Variants in GPC5 observed in about 807,000 individuals in gnomAD.
GPC5 encodes glypican-5.
In GPC5, 47 loss-of-function variants were observed where a neutral mutation model predicts 53.9. The ratio of observed to expected loss-of-function variants is 0.87; its 90% CI spans 0.69 to 1.11. The LOEUF (loss-of-function observed/expected upper bound fraction) is 1.11, where lower values mean the gene tolerates loss of function less well. GPC5 is among the 50% of genes most tolerant of loss of function. The pLI, the probability that GPC5 is intolerant of heterozygous loss-of-function variation, is 0.00. For missense variants in GPC5, 748 were observed against 713.1 expected (o/e 1.05, Z -0.56); for synonymous variants, 286 against 263.3 (o/e 1.09, Z -0.84).
intron 7 of GPC5, among the ~76,000 whole-genome samples, chr13:92,861,849 C>T (rs993229881): frequency 2.0e-5 from 3 of 151,752 alleles, no homozygotes; most frequent in Non-Finnish European, 2.9e-5. Context: ...AGTTTTGGTC[C>T]CACAGACATT....
intron 7 of GPC5, among the ~76,000 whole-genome samples, chr13:92,618,687 T>TAA (rs5805756): frequency 2.0e-3 from 273 of 137,994 alleles, no homozygotes; most frequent in Middle Eastern, 0.012. Context: ...TAAAAAATGT[T>TAA]AAAAAAAAAA....
Position 92,149,404 on chromosome 13 carries a change from T to C in GPC5, c.1561+4415T>C, listed in dbSNP as rs79855679. 2.0e-3 allele frequency among the ~76,000 whole-genome samples: 301 copies of C among 152,236 alleles called. 2 individuals carry two copies. Among genetic ancestry groups the C allele is most frequent in the African/African-American group, 6.8e-3 (282 of 41,588 alleles). On this transcript the variant is annotated intron_variant, in intron 7 of 7. Transcript: ENST00000377067. The stretch of plus-strand genomic sequence containing the variant: ...CAGAAAGTATCTGACTTAAATATGA[T>C]TAATTTAGAAATAGTAGGATAATAC...
intron 7 of GPC5, among the ~76,000 whole-genome samples, chr13:92,366,650 C>A (rs567961436): frequency 6.7e-6 from 1 of 148,170 alleles, no homozygotes; most frequent in African/African-American, 2.7e-5. Flanking sequence ...GTGGCTAAGG[C>A]CACGAGCATT....
chr13:91,682,466 G>C (rs1455865627), intron 2 of GPC5, among the ~76,000 whole-genome samples: 1 of 152,130 alleles, frequency 6.6e-6, no homozygotes, highest in Admixed American at 6.6e-5. Context: ...TATTATACCT[G>C]TTTTCTGATG....
chr13:92,140,557 T>G (rs1375859822), intron 6 of GPC5, among the ~76,000 whole-genome samples: 2 of 152,224 alleles, frequency 1.3e-5, no homozygotes, highest in Non-Finnish European at 2.9e-5. Flanking sequence ...TCAAACATTT[T>G]TCCACATTTT....
intron 7 of GPC5, among the ~76,000 whole-genome samples, chr13:92,326,007 T>C (rs1313055214): frequency 6.6e-6 from 1 of 152,120 alleles, no homozygotes; most frequent in Non-Finnish European, 1.5e-5. Flanking sequence ...ATGTTAATGG[T>C]ACTTTAATAA....
chr13:92,590,336 A>G (rs1204846107), intron 7 of GPC5, among the ~76,000 whole-genome samples: 4 of 152,124 alleles, frequency 2.6e-5, no homozygotes, highest in African/African-American at 9.7e-5. Flanking sequence ...CAAGCCCAGA[A>G]CAGGCTGTGT....
chr13:91,935,433 T>A (rs949612512), intron 6 of GPC5, among the ~76,000 whole-genome samples: 1 of 151,984 alleles, frequency 6.6e-6, no homozygotes, highest in African/African-American at 2.4e-5. Flanking sequence ...CCTTCCACCA[T>A]GTGAGGACAC....
intron 7 of GPC5, among the ~76,000 whole-genome samples, chr13:92,207,407 A>G (rs1219997513): frequency 1.3e-5 from 2 of 152,224 alleles, no homozygotes; most frequent in Non-Finnish European, 2.9e-5. Flanking sequence ...CTGCAGCCCT[A>G]GTCCTGAAAC....
chr13:92,042,726 A>G (rs574390552), intron 6 of GPC5, among the ~76,000 whole-genome samples: 2 of 152,322 alleles, frequency 1.3e-5, no homozygotes, highest in South Asian at 4.1e-4. Flanking sequence ...CATGCGCAAG[A>G]AAAAAATCAG....
intron 7 of GPC5, among the ~76,000 whole-genome samples, chr13:92,757,947 G>A (rs1406104255): frequency 7.3e-5 from 11 of 151,148 alleles, no homozygotes; most frequent in East Asian, 2.0e-4. Context: ...ATCTAGAACT[G>A]GAAATACCAT....
intron 5 of GPC5, among the ~76,000 whole-genome samples, chr13:91,786,577 A>G (rs1322426138): frequency 2.6e-5 from 4 of 152,030 alleles, no homozygotes; most frequent in African/African-American, 9.7e-5. Context: ...TTGCCTTTCC[A>G]CTTTGTGTAT....
chr13:92,759,108 T>C (rs1440445605), intron 7 of GPC5, among the ~76,000 whole-genome samples: 1 of 151,364 alleles, frequency 6.6e-6, no homozygotes, highest in Admixed American at 6.6e-5. Context: ...ACTGGTCTGT[T>C]TGTCTGTTTT....
chr13:91,944,182 G>A (rs779932057), intron 6 of GPC5, among the ~76,000 whole-genome samples: 1 of 151,626 alleles, frequency 6.6e-6, no homozygotes, highest in Admixed American at 6.6e-5. Context: ...TGCAAGCTCC[G>A]CCTCCTGGGT....
intron 5 of GPC5, among the ~76,000 whole-genome samples, chr13:91,860,798 G>A (rs1031657897): frequency 2.6e-5 from 4 of 151,984 alleles, no homozygotes; most frequent in African/African-American, 7.2e-5. Context: ...CGCCGTGCCC[G>A]GCCTGTATAC....
chr13:92,385,563 TACATATAC>T, intron 7 of GPC5, among the ~76,000 whole-genome samples: 1 of 143,834 alleles, frequency 7.0e-6, no homozygotes, highest in African/African-American at 2.6e-5. Context: ...TATGCATATA[TACATATAC>T]GCATATATAA....
chr13:91,693,672 A>G lies in GPC5; in HGVS notation c.811A>G (p.Met271Val). ...AGGCCTGGCGCTCACTAAGCCTTGT[A>G]TGGGATACTGCCTCAATGTCATGCG... The part of the protein sequence containing the change: ...CQGLALTKPC[M>V]GYCLNVMRGC... The change falls in exon 3 of 8, where the codon ATG (methionine) becomes GTG (valine). Residue 271 changes from methionine to valine, a missense_variant. Met to Val is a conservative substitution (Grantham distance 21). Coordinates refer to ENST00000377067, the MANE Select transcript of GPC5 (RefSeq NM_004466.6). 3.1e-6 allele frequency: 5 copies of G among 1,614,118 alleles called. No individual in the cohort carries two copies. The highest frequency in any genetic ancestry group is 4.2e-6 in the Non-Finnish European group (5 of 1,179,998).
chr13:92,294,226 T>C (rs1398764009), intron 7 of GPC5, among the ~76,000 whole-genome samples: 1 of 152,144 alleles, frequency 6.6e-6, no homozygotes, highest in African/African-American at 2.4e-5. Context: ...TGGGGAGGGG[T>C]CCCTCTTTCT....
intron 7 of GPC5, among the ~76,000 whole-genome samples, chr13:92,804,489 TAA>T (rs1333881057): frequency 6.6e-6 from 1 of 151,988 alleles, no homozygotes; most frequent in Non-Finnish European, 1.5e-5. Context: ...GCATTATGTC[TAA>T]AAAACAATGC....
Sources: gnomAD v4.1 joint callset for allele counts (sites outside exome capture counted in the v4.1 genomes callset) on GRCh38, gnomAD v4.1.1 for gene constraint, MANE v1.5 for transcripts, NCBI Gene and HGNC (gene_info 2026-07-23, HGNC 2026-07-21) for gene names.